Variants in ATP2B2 observed in about 807,000 individuals in gnomAD.
ATP2B2 encodes ATPase plasma membrane Ca2+ transporting 2.
ATP2B2 carries 15 observed loss-of-function variants against 120.0 expected under a neutral mutation model. The observed-to-expected ratio is 0.12, with a 90% CI of 0.08 to 0.19. The LOEUF is 0.19. ATP2B2 is among the 10% of genes least tolerant of loss of function. The pLI, the probability that ATP2B2 is intolerant of heterozygous loss-of-function variation, is 1.00. For missense variants in ATP2B2, 1,045 were observed against 1,719.8 expected (o/e 0.61, Z 6.94); for synonymous variants, 694 against 700.3 (o/e 0.99, Z 0.14).
At chr3:10,620,686 G>A (rs1340292874) in intron 1 of ATP2B2, among the ~76,000 whole-genome samples, 1 of 152,096 alleles carries the variant, frequency 6.6e-6, no homozygotes, top group Middle Eastern at 3.2e-3. Context: ...GCCAGCCCAA[G>A]GTACCCTGAC....
At chr3:10,614,297 G>A (rs1413439663) in intron 2 of ATP2B2, among the ~76,000 whole-genome samples, 2 of 152,070 alleles carry the variant, frequency 1.3e-5, no homozygotes, top group Non-Finnish European at 2.9e-5. Flanking sequence ...AAGAAAACTG[G>A]CCAGCTGGAA....
intron 1 of ATP2B2, among the ~76,000 whole-genome samples, chr3:10,655,942 T>A (rs2070613915): frequency 6.6e-6 from 1 of 152,224 alleles, no homozygotes; most frequent in African/African-American, 2.4e-5. Context: ...TACAATCCAA[T>A]GCCTTGAGAG....
chr3:10,398,499 C>G (rs978163918), intron 5 of ATP2B2, among the ~76,000 whole-genome samples: 2 of 152,202 alleles, frequency 1.3e-5, no homozygotes, highest in Non-Finnish European at 2.9e-5. Flanking sequence ...GGAATCCTGC[C>G]AAAACCAATG....
intron 2 of ATP2B2, among the ~76,000 whole-genome samples, chr3:10,430,863 C>T (rs1303419929): frequency 6.6e-6 from 1 of 151,272 alleles, no homozygotes; most frequent in Non-Finnish European, 1.5e-5. Context: ...CTTTTCTTTA[C>T]TGGACACTTG....
intron 1 of ATP2B2, among the ~76,000 whole-genome samples, chr3:10,658,293 C>T (rs2125675916): frequency 6.6e-6 from 1 of 152,248 alleles, no homozygotes; most frequent in Non-Finnish European, 1.5e-5. Flanking sequence ...GATCAAACTT[C>T]TCTGAGCTAA....
intron 1 of ATP2B2, among the ~76,000 whole-genome samples, chr3:10,450,824 C>A (rs147891405): frequency 6.6e-6 from 1 of 152,264 alleles, no homozygotes; most frequent in Non-Finnish European, 1.5e-5. Context: ...GGAGAGAATC[C>A]AATCCACCCC....
chr3:10,556,587 G>A (rs1197805645), intron 2 of ATP2B2, among the ~76,000 whole-genome samples: 2 of 152,208 alleles, frequency 1.3e-5, no homozygotes, highest in African/African-American at 2.4e-5. Flanking sequence ...GATGTTTGGA[G>A]AAGAAGGCTC....
chr3:10,465,905 C>T (rs1196218140), intron 1 of ATP2B2, among the ~76,000 whole-genome samples: 1 of 152,184 alleles, frequency 6.6e-6, no homozygotes, highest in Non-Finnish European at 1.5e-5. Context: ...CCACCAGGTC[C>T]TTTACTGTGA....
intron 1 of ATP2B2, among the ~76,000 whole-genome samples, chr3:10,470,418 A>G (rs1270067111): frequency 6.6e-6 from 1 of 152,046 alleles, no homozygotes; most frequent in African/African-American, 2.4e-5. Context: ...TGTGATTCCA[A>G]AGTCTGTGAG....
Position 10,342,677 on chromosome 3 carries a change from G to T in ATP2B2, c.2917+75C>A. 1 of 1,529,376 alleles carries T rather than the reference G, an allele frequency of 6.5e-7. No individual in the cohort carries two copies. The highest frequency in any genetic ancestry group is 2.3e-5 in the East Asian group (1 of 44,048). The allele number at this position is 1,529,376 out of a possible 1,614,324, so 94.7% of individuals were successfully genotyped here. ...CAGGAGGGGGTTGTGACTCGAGAAT[G>T]CTGGGTGAGAGCCATGGTGCACCCA... On this transcript the variant is annotated intron_variant, in intron 19 of 22. Coordinates refer to ENST00000360273, the MANE Select transcript of ATP2B2 (RefSeq NM_001001331.4). The surrounding 1 kb of genome is among the most constrained non-coding windows in gnomAD (Gnocchi z 4.4).
At chr3:10,658,592 T>C (rs989755650) in intron 1 of ATP2B2, among the ~76,000 whole-genome samples, 2 of 152,164 alleles carry the variant, frequency 1.3e-5, no homozygotes, top group Admixed American at 6.5e-5. Flanking sequence ...TATGGGACTA[T>C]GTGAAAAGAC....
intron 1 of ATP2B2, among the ~76,000 whole-genome samples, chr3:10,491,003 C>G (rs1376967331): frequency 6.6e-6 from 1 of 152,158 alleles, no homozygotes; most frequent in African/African-American, 2.4e-5. Flanking sequence ...GCCTTCTGCT[C>G]TTGTTTTTGT....
chr3:10,646,065 C>A (rs2070313826), intron 1 of ATP2B2, among the ~76,000 whole-genome samples: 1 of 152,128 alleles, frequency 6.6e-6, no homozygotes, highest in Non-Finnish European at 1.5e-5. Context: ...CAGTGAAGAC[C>A]CCGCCCAGAA....
rs771774308 is a variant in ATP2B2, at chr3:10,372,040, C to T, written c.1428G>A (p.Lys476=). 1 of 1,614,126 alleles carries T rather than the reference C, an allele frequency of 6.2e-7. No homozygotes were observed. The highest frequency in any genetic ancestry group is 1.1e-5 in the South Asian group (1 of 91,078). Residue 476 remains lysine, a synonymous_variant, in exon 12 of 23, where the codon AAG becomes AAA. Transcript: ENST00000360273. The part of the protein sequence containing the change: ...SLAYSVKKMM[K]DNNLVRHLDA... ...CCAGGTGGCGTACCAGGTTGTTGTC[C>T]TTCATCATTTTCTGGGAGAAGGGGC...
chr3:10,340,174 A>G lies in ATP2B2; in HGVS notation c.3237+68T>C. On this transcript the variant is annotated intron_variant, in intron 21 of 22. Coordinates refer to ENST00000360273, the MANE Select transcript of ATP2B2 (RefSeq NM_001001331.4). This position sits in a 1 kb window ranked among gnomAD's most constrained non-coding sequence, Gnocchi z 5.0. ...GGCAGCCCATTCCTGGGGGTCCTGGATTCTCCATCCAGTGCTGTCTCCCTT... is the reference window on the plus strand; with the variant it reads ...GGCAGCCCATTCCTGGGGGTCCTGGGTTCTCCATCCAGTGCTGTCTCCCTT... The G allele has an allele frequency of 6.7e-7, 1 of 1,487,578 alleles. No homozygotes were observed. The highest frequency in any genetic ancestry group is 9.3e-7 in the Non-Finnish European group (1 of 1,072,260). The allele number at this position is 1,487,578 out of a possible 1,614,324, so 92.1% of individuals were successfully genotyped here.
At chr3:10,708,064 C>G, upstream of ATP2B2, 2 of 143,140 alleles carry the variant, frequency 1.4e-5, no homozygotes, top group South Asian at 3.7e-4. Flanking sequence ...CCGCCGCCGC[C>G]CGCCCGCCTC....
intron 2 of ATP2B2, among the ~76,000 whole-genome samples, chr3:10,549,939 G>T (rs1012070562): frequency 6.6e-6 from 1 of 152,276 alleles, no homozygotes; most frequent in Non-Finnish European, 1.5e-5. Context: ...GGAGCCACAT[G>T]GCTCAGAGAG....
chr3:10,400,180 A>G (rs2062171764), intron 5 of ATP2B2, among the ~76,000 whole-genome samples: 1 of 152,188 alleles, frequency 6.6e-6, no homozygotes, highest in Non-Finnish European at 1.5e-5. Flanking sequence ...CCTGTAGCTG[A>G]GTGAGCTTGT....
At chr3:10,467,727 G>T (rs559329224) in intron 1 of ATP2B2, among the ~76,000 whole-genome samples, 1 of 152,318 alleles carries the variant, frequency 6.6e-6, no homozygotes, top group African/African-American at 2.4e-5. Flanking sequence ...TTACTGAACC[G>T]GAGGAAACGA....
Sources: allele counts gnomAD v4.1 joint callset (sites outside exome capture counted in the v4.1 genomes callset), GRCh38; gene constraint gnomAD v4.1.1; non-coding constraint Gnocchi (gnomAD v3.1); transcripts MANE v1.5; gene names NCBI Gene and HGNC (gene_info 2026-07-23, HGNC 2026-07-21).